Variants in GPBP1 observed in about 807,000 individuals in gnomAD.
The protein encoded by GPBP1 is GC-rich promoter binding protein 1.
GPBP1 carries 13 observed loss-of-function variants against 56.5 expected under a neutral mutation model. The observed-to-expected ratio is 0.23, with a 90% CI of 0.15 to 0.37. The LOEUF (loss-of-function observed/expected upper bound fraction) is 0.37, where lower values mean the gene tolerates loss of function less well. Among genes scored for constraint, GPBP1 ranks in the 10% least tolerant of loss-of-function variants. GPBP1 has a pLI of 1.00. For synonymous variants in GPBP1, 204 were observed against 188.9 expected, an observed-to-expected ratio of 1.08 and a Z score of -0.66; for missense variants, 477 against 572.3, an observed-to-expected ratio of 0.83 and a Z score of 1.70.
At chr5:57,189,920 T>C (rs1754445907) in intron 2 of GPBP1, among the ~76,000 whole-genome samples, 1 of 152,202 alleles carries the variant, frequency 6.6e-6, no homozygotes, top group African/African-American at 2.4e-5. Context: ...TAACTTTCTC[T>C]GAGATTCTCT....
intron 8 of GPBP1, chr5:57,249,202 C>T: frequency 2.2e-6 from 1 of 446,894 alleles, no homozygotes; most frequent in Non-Finnish European, 4.0e-6. Context: ...ATTATCAGAC[C>T]TTCATTGTTT....
rs148600703 is a variant in GPBP1, at chr5:57,246,406, G to A, written c.585G>A (p.Pro195=). The A allele has an allele frequency of 1.1e-4, 175 of 1,613,794 alleles. 3 individuals carry two copies. Among genetic ancestry groups the A allele is most frequent in the Admixed American group, 2.2e-4 (13 of 60,002 alleles). Residue 195 remains proline (P), a synonymous_variant, in exon 7 of 12, where the codon CCG becomes CCA. Coordinates refer to ENST00000506184, the MANE Select transcript of GPBP1 (RefSeq NM_022913.4). ...LSGFPVVGNL[P]SQPVKNGTGP... ...GATTCCCAGTAGTAGGAAATCTTCC[G>A]TCACAGCCAGTTAAGAATGGAACTG...
intron 6 of GPBP1, chr5:57,237,226 T>C: frequency 8.8e-7 from 1 of 1,135,526 alleles, no homozygotes; most frequent in Non-Finnish European, 1.3e-6. Flanking sequence ...CATAAGAATA[T>C]AGAACCACCT....
At chr5:57,217,244 G>A (rs1755735304) in intron 3 of GPBP1, among the ~76,000 whole-genome samples, 1 of 151,720 alleles carries the variant, frequency 6.6e-6, no homozygotes, top group South Asian at 2.1e-4. Context: ...CTTTTTGATG[G>A]GCCTTCCCTC....
intron 2 of GPBP1, among the ~76,000 whole-genome samples, chr5:57,213,031 G>T (rs894581431): frequency 4.6e-5 from 7 of 151,624 alleles, no homozygotes; most frequent in African/African-American, 1.5e-4. Context: ...CAATTTAGTT[G>T]TAAAGATTTG....
intron 2 of GPBP1, among the ~76,000 whole-genome samples, chr5:57,191,241 A>G (rs1754512735): frequency 6.6e-6 from 1 of 151,994 alleles, no homozygotes; most frequent in Non-Finnish European, 1.5e-5. Context: ...GCTTGCCATC[A>G]TGACCAGCTA....
intron 2 of GPBP1, among the ~76,000 whole-genome samples, chr5:57,209,403 C>T (rs1190180059): frequency 6.6e-6 from 1 of 152,202 alleles, no homozygotes; most frequent in Non-Finnish European, 1.5e-5. Context: ...GGGGCTCTAG[C>T]ACTTCTCCCT....
chr5:57,244,438 AACTT>A (rs1249556142), intron 6 of GPBP1, among the ~76,000 whole-genome samples: 1 of 152,202 alleles, frequency 6.6e-6, no homozygotes, highest in Non-Finnish European at 1.5e-5. Context: ...GCCATGTTTA[AACTT>A]ACTTAGTTGT....
intron 5 of GPBP1, among the ~76,000 whole-genome samples, chr5:57,234,688 G>A (rs1756593378): frequency 6.6e-6 from 1 of 152,198 alleles, no homozygotes; most frequent in Admixed American, 6.5e-5. Flanking sequence ...GGAAATCCAA[G>A]AGCTTTCACG....
chr5:57,218,150 C>A (rs1039449896), intron 3 of GPBP1, among the ~76,000 whole-genome samples: 19 of 152,280 alleles, frequency 1.2e-4, no homozygotes, highest in African/African-American at 4.1e-4. Flanking sequence ...GATTCTCCCC[C>A]TCAAAGCAGT....
At chr5:57,254,457 G>A (rs534336014) in intron 10 of GPBP1, among the ~76,000 whole-genome samples, 7 of 152,280 alleles carry the variant, frequency 4.6e-5, no homozygotes, top group African/African-American at 1.4e-4. Flanking sequence ...CACTTTGGAA[G>A]GCTAAGGTGG....
chr5:57,232,597 T>G (rs886274122), intron 5 of GPBP1, among the ~76,000 whole-genome samples: 5 of 152,330 alleles, frequency 3.3e-5, no homozygotes, highest in Admixed American at 1.3e-4. Context: ...TTTAAAAAGT[T>G]TAAAAACTTT....
At chr5:57,225,618 A>T (rs1345999350) in intron 3 of GPBP1, among the ~76,000 whole-genome samples, 4 of 152,184 alleles carry the variant, frequency 2.6e-5, no homozygotes, top group Non-Finnish European at 5.9e-5. Context: ...AACCAATTTC[A>T]TGGCTGTGGA....
chr5:57,204,343 A>G (rs1474341903), intron 2 of GPBP1, among the ~76,000 whole-genome samples: 1 of 151,866 alleles, frequency 6.6e-6, no homozygotes, highest in African/African-American at 2.4e-5. Flanking sequence ...TCCACCTCCC[A>G]GGCCCAAACC....
At chr5:57,191,014 G>C (rs1008301296) in intron 2 of GPBP1, among the ~76,000 whole-genome samples, 1 of 152,050 alleles carries the variant, frequency 6.6e-6, no homozygotes, top group South Asian at 2.1e-4. Flanking sequence ...GGGTTCAAGT[G>C]ATCTGCCCGC....
At chr5:57,174,972 A>G (rs1406119190) in intron 1 of GPBP1, among the ~76,000 whole-genome samples, 1 of 152,136 alleles carries the variant, frequency 6.6e-6, no homozygotes, top group African/African-American at 2.4e-5. Flanking sequence ...TGCCTCCTCT[A>G]GTAGACGTTC....
intron 6 of GPBP1, 89 bp downstream of exon 6, chr5:57,236,121 C>A: frequency 1.2e-6 from 1 of 833,900 alleles, no homozygotes. Flanking sequence ...AGAGAGCAGG[C>A]TAGAATAAAA....
chr5:57,219,375 C>CAAAAAAAAAAAAAAA (rs869152603), intron 3 of GPBP1, among the ~76,000 whole-genome samples: 1 of 35,318 alleles, frequency 2.8e-5, no homozygotes, highest in Non-Finnish European at 5.0e-5. Flanking sequence ...GACTCTGTCT[C>CAAAAAAAAAAAAAAA]AAAAAAAAAA....
chr5:57,209,620 G>T (rs1561340457), intron 2 of GPBP1, among the ~76,000 whole-genome samples: 1 of 151,884 alleles, frequency 6.6e-6, no homozygotes, highest in Non-Finnish European at 1.5e-5. Flanking sequence ...ATGTGCTGTG[G>T]TTTTTTTTAA....
Sources: allele counts gnomAD v4.1 joint callset (sites outside exome capture counted in the v4.1 genomes callset), GRCh38; gene constraint gnomAD v4.1.1; transcripts MANE v1.5; gene names NCBI Gene and HGNC (gene_info 2026-07-23, HGNC 2026-07-21).